The following TRIM8 variants were observed in gnomAD, a reference collection of about 807,000 sequenced individuals.
The protein encoded by TRIM8 is E3 ubiquitin-protein ligase TRIM8.
TRIM8 carries 9 observed loss-of-function variants against 55.7 expected under a neutral mutation model. The observed-to-expected ratio is 0.16, with a 90% confidence interval of 0.10 to 0.28. TRIM8 has a LOEUF of 0.28. Among genes scored for constraint, TRIM8 ranks in the 10% least tolerant of loss-of-function variants. The pLI is 1.00. For missense variants in TRIM8, 556 were observed against 736.4 expected (o/e 0.76, Z 2.83); for synonymous variants, 335 against 333.3 (o/e 1.01, Z -0.06).
intron 3 of TRIM8, 143 bp from the exon 4 acceptor site, chr10:102,655,963 T>G (rs4274160): frequency 1.2e-5 from 14 of 1,190,866 alleles, no homozygotes; most frequent in Non-Finnish European, 1.7e-5. Context: ...TGGCCACCCC[T>G]ACCCCTGCCA....
rs2063921162 is a variant in TRIM8 at position 102,644,962 on chromosome 10, C to T, written c.345C>T (p.Cys115=). 3 of 1,597,732 alleles carry T rather than the reference C, an allele frequency of 1.9e-6. No individual in the cohort carries two copies. Among genetic ancestry groups the T allele is most frequent in the South Asian group, 2.2e-5 (2 of 89,752 alleles). ...GCCTGCGCTGCGAGGCGCCCTGCTG[C>T]CAGTCCCACGTGCAGACGCACCTGC... ...KVCLRCEAPC[C]QSHVQTHLQQ... The change falls in exon 1 of 6, where the codon TGC becomes TGT. Residue 115 remains cysteine (C), a synonymous_variant. Transcript: ENST00000643721.
rs200194552 is a variant in TRIM8, at chr10:102,657,253, C to T, written c.1555C>T (p.Leu519=). 3.1e-5 allele frequency: 50 copies of T among 1,614,112 alleles called. No individual in the cohort carries two copies. Among genetic ancestry groups the T allele is most frequent in the Non-Finnish European group, 3.6e-5 (43 of 1,180,010 alleles). Residue 519 remains leucine, a synonymous_variant, in exon 6 of 6, where the codon CTG becomes TTG. Transcript: ENST00000643721. ...TPSVPQSLPS[L]AVRDWLDASQ... is the part of the protein sequence containing the mutation. ...CTCCGTCCCCCAGTCCCTTCCCAGC[C>T]TGGCGGTCAGAGACTGGCTTGACGC...
At chr10:102,654,347 G>A (rs752546421) in intron 1 of TRIM8, 2 of 251,520 alleles carry the variant, frequency 8.0e-6, no homozygotes, top group African/African-American at 2.2e-5. Context: ...TAAGACAGGA[G>A]AATCACTTGA....
Position 102,644,784 on chromosome 10 carries a change from A to G in TRIM8, c.167A>G (p.Asn56Ser), listed in dbSNP as rs1463680621. Residue 56 changes from asparagine to serine, a missense_variant, in exon 1 of 6, where the codon AAC becomes AGC. Around this residue, in one of 2 missense-constraint regions of TRIM8, gnomAD observed 165 missense variants for 295.3 expected, o/e 0.56. Coordinates refer to ENST00000643721, the MANE Select transcript of TRIM8 (RefSeq NM_030912.3). ...GGCCTCGTACGCTGCCCAGAGTGCA[A>G]CCAGGCCTACAACCAGAAGCCGGGC... ...DSGLVRCPEC[N>S]QAYNQKPGLE... The G allele has an allele frequency of 1.2e-6, 2 of 1,613,320 alleles. No individual in the cohort carries two copies. Among genetic ancestry groups the G allele is most frequent in the Non-Finnish European group, 8.5e-7 (1 of 1,179,876 alleles).
At position 102,645,258 on chromosome 10, in the gene TRIM8, G is replaced by A; in HGVS notation, c.570+71G>A. 3.6e-6 allele frequency: 5 copies of A among 1,405,916 alleles called. 1 individual carries two copies. Among genetic ancestry groups the A allele is most frequent in the Non-Finnish European group, 1.9e-6 (2 of 1,080,078 alleles). 87.1% of individuals were successfully genotyped at this position (1,405,916 alleles called of 1,614,324 possible). On this transcript the variant is annotated intron_variant, in intron 1 of 5. Transcript: ENST00000643721. The stretch of plus-strand genomic sequence containing the variant: ...ACAGTCCCTTCCTCTCTCCCGCCCC[G>A]GGACCACCCATCCCGACAGGCTGAC...
Position 102,656,680 on chromosome 10 carries a change from C to A in TRIM8, c.1049-67C>A, listed in dbSNP as rs2064027787. On this transcript the variant is annotated intron_variant, in intron 5 of 5. Coordinates refer to ENST00000643721, the MANE Select transcript of TRIM8 (RefSeq NM_030912.3). This position sits in a 1 kb window ranked among gnomAD's most constrained non-coding sequence, Gnocchi z 4.6. ...GGTGTCAATGGTCCCCAGGTCCAACCCAGGGAGAGGAGGCCTGGGTTGCTT... is the reference window on the plus strand; with the variant it reads ...GGTGTCAATGGTCCCCAGGTCCAACACAGGGAGAGGAGGCCTGGGTTGCTT... 6.6e-7 allele frequency: 1 copy of A among 1,505,972 alleles called. No individual in the cohort carries two copies. The highest frequency in any genetic ancestry group is 1.4e-5 in the South Asian group (1 of 72,932). The allele number at this position is 1,505,972 out of a possible 1,614,324, so 93.3% of individuals were successfully genotyped here.
chr10:102,650,179 T>A (rs1590106125), intron 1 of TRIM8, among the ~76,000 whole-genome samples: 1 of 152,140 alleles, frequency 6.6e-6, no homozygotes. Flanking sequence ...ATTTATTAAC[T>A]TTTATACAGC....
intron 1 of TRIM8, among the ~76,000 whole-genome samples, chr10:102,652,206 C>T (rs1370641982): frequency 6.6e-6 from 1 of 152,198 alleles, no homozygotes; most frequent in Non-Finnish European, 1.5e-5. Context: ...TCCTCCTGCT[C>T]CCAGGGTTCT....
rs1199011289 is a variant in TRIM8 at position 102,658,035 on chromosome 10, T to C, written c.*681T>C. ...GAAAGGGGAAAAGGAACTTTGCCAA[T>C]GATAGTGACCACAGCAAAAGCAAAT... On this transcript the variant is annotated 3_prime_UTR_variant, in exon 6 of 6. Coordinates refer to ENST00000643721, the MANE Select transcript of TRIM8 (RefSeq NM_030912.3). 1 of 152,228 alleles carries C rather than the reference T, an allele frequency of 6.6e-6. No homozygotes were observed. The highest frequency in any genetic ancestry group is 1.9e-4 in the East Asian group (1 of 5,182). 9.4% of individuals were successfully genotyped at this position (152,228 alleles called of 1,614,324 possible). A position where few individuals can be genotyped will look rare whatever the true frequency, so the allele number is the denominator to read the frequency against.
chr10:102,652,697 G>A (rs923496749), intron 1 of TRIM8, among the ~76,000 whole-genome samples: 1 of 152,102 alleles, frequency 6.6e-6, no homozygotes, highest in Admixed American at 6.5e-5. Context: ...CTGTCTAATA[G>A]AACTTCTGCA....
intron 1 of TRIM8, 90 bp downstream of exon 1, chr10:102,645,277 G>T (rs1169977777): frequency 7.4e-7 from 1 of 1,354,574 alleles, no homozygotes; most frequent in Admixed American, 3.2e-5. Context: ...CATCCCGACA[G>T]GCTGACTCTT....
At chr10:102,645,671 G>A (rs1234708334) in intron 1 of TRIM8, 1 of 152,824 alleles carries the variant, frequency 6.5e-6, no homozygotes, top group Non-Finnish European at 1.5e-5. Flanking sequence ...AGTTTTCAGC[G>A]CTATTGGAAA....
intron 1 of TRIM8, among the ~76,000 whole-genome samples, chr10:102,647,976 C>T (rs536550900): frequency 6.6e-6 from 1 of 152,322 alleles, no homozygotes; most frequent in South Asian, 2.1e-4. Context: ...AAGGGGGACT[C>T]TCAGAATCAG....
At chr10:102,654,794 G>C (rs772322365) in intron 2 of TRIM8, 46 bp downstream of exon 2, 3 of 1,425,058 alleles carry the variant, frequency 2.1e-6, no homozygotes, top group Non-Finnish European at 2.0e-6. Flanking sequence ...TGGCTTGAGC[G>C]CAGGGCTTTG....
intron 1 of TRIM8, among the ~76,000 whole-genome samples, chr10:102,647,628 G>A (rs1316534901): frequency 6.6e-6 from 1 of 152,118 alleles, no homozygotes; most frequent in African/African-American, 2.4e-5. Context: ...GCTCTTCCTT[G>A]GCCCCTTTTC....
chr10:102,654,736 G>A lies in TRIM8; in HGVS notation c.654G>A (p.Lys218=). Residue 218 remains lysine (K), a synonymous_variant, in exon 2 of 6, where the codon AAG becomes AAA. Coordinates refer to ENST00000643721, the MANE Select transcript of TRIM8 (RefSeq NM_030912.3). ...AGCTGTACAAACTCGAGTCAGACAAGCGCCTGGTGGAGGTAGCTAAGCCCA... is the reference window on the plus strand; with the variant it reads ...AGCTGTACAAACTCGAGTCAGACAAACGCCTGGTGGAGGTAGCTAAGCCCA... ...EDQLYKLESD[K]RLVEEKVNQL... is the part of the protein sequence containing the mutation. The A allele has an allele frequency of 1.2e-6, 2 of 1,614,070 alleles. No homozygotes were observed. Among genetic ancestry groups the A allele is most frequent in the Non-Finnish European group, 1.7e-6 (2 of 1,179,860 alleles).
chr10:102,657,411 A>G lies in TRIM8; in HGVS notation c.*57A>G, dbSNP rs2064036622. The G allele has an allele frequency of 1.3e-6, 2 of 1,513,690 alleles. No individual in the cohort carries two copies. The highest frequency in any genetic ancestry group is 1.8e-6 in the Non-Finnish European group (2 of 1,131,166). The allele number at this position is 1,513,690 out of a possible 1,614,324, so 93.8% of individuals were successfully genotyped here. ...TTCCTCCCCAGCCCCCGGGCTCGGG[A>G]GTTATGCATCCAGAGACCTGCCCTT... On this transcript the variant is annotated 3_prime_UTR_variant, in exon 6 of 6. Coordinates refer to ENST00000643721, the MANE Select transcript of TRIM8 (RefSeq NM_030912.3).
At chr10:102,655,960 C>A (rs924773516) in intron 3 of TRIM8, 146 bp from the exon 4 acceptor site, 3 of 1,185,554 alleles carry the variant, frequency 2.5e-6, no homozygotes, top group Non-Finnish European at 3.7e-6. Context: ...AAATGGCCAC[C>A]CCTACCCCTG....
chr10:102,651,489 C>T (rs767491409), intron 1 of TRIM8, among the ~76,000 whole-genome samples: 18 of 152,232 alleles, frequency 1.2e-4, no homozygotes, highest in Non-Finnish European at 1.5e-4. Context: ...AAGGAAGCTG[C>T]GCTGGGACCT....
Sources: gnomAD v4.1 joint callset for allele counts (sites outside exome capture counted in the v4.1 genomes callset) on GRCh38, gnomAD v4.1.1 for gene constraint, gnomAD v4.1.1 regional missense constraint, Gnocchi (gnomAD v3.1) non-coding constraint, MANE v1.5 for transcripts, NCBI Gene and HGNC (gene_info 2026-07-23, HGNC 2026-07-21) for gene names.